The following GLIS3 variants were observed in gnomAD, a reference collection of about 807,000 sequenced individuals.
GLIS3 encodes the protein zinc finger protein GLIS3.
GLIS3 carries 53 observed loss-of-function variants against 78.6 expected under a neutral mutation model. That is an observed-to-expected ratio of 0.67 (90% CI 0.54 to 0.85). The LOEUF (loss-of-function observed/expected upper bound fraction) is 0.85. GLIS3 is among the 40% of genes least tolerant of loss of function. The pLI is 0.00. For synonymous variants in GLIS3, 684 were observed against 509.9 expected (o/e 1.34, Z -4.60); for missense variants, 1,703 against 1,231.1 (o/e 1.38, Z -5.74).
At chr9:4,285,258 T>C (rs535688526) in intron 2 of GLIS3, among the ~76,000 whole-genome samples, 6 of 152,224 alleles carry the variant, frequency 3.9e-5, no homozygotes, top group Non-Finnish European at 7.3e-5. Context: ...ATACGTCATC[T>C]ACAATATAAC....
chr9:4,322,533 T>TC (rs1331413862), intron 2 of GLIS3, among the ~76,000 whole-genome samples: 1 of 152,190 alleles, frequency 6.6e-6, no homozygotes, highest in African/African-American at 2.4e-5. Flanking sequence ...GTAAAAGTCT[T>TC]CCTATTTCTC....
the GLIS3 span, among the ~76,000 whole-genome samples, chr9:4,400,051 T>C: frequency 6.6e-5 from 10 of 152,318 alleles, no homozygotes; most frequent in Non-Finnish European, 1.3e-4. Context: ...ATTCAGATTA[T>C]GAAGAACCTT....
rs370273582 is a variant in GLIS3, at chr9:4,184,557, C to G, written c.389-58616G>C. On this transcript the variant is annotated intron_variant, in intron 2 of 10. Transcript: ENST00000381971. ...CCGGGACTGGGAGACACAGGTAGAA[C>G]TGGTCTGCAATAAGCATGATCAATG... Among the ~76,000 whole-genome samples the G allele has an allele frequency of 4.4e-4, 67 of 152,270 alleles. No homozygotes were observed. Among genetic ancestry groups the G allele is most frequent in the South Asian group, 1.9e-3 (9 of 4,828 alleles).
the GLIS3 span, among the ~76,000 whole-genome samples, chr9:4,377,841 C>G: frequency 6.6e-6 from 1 of 152,086 alleles, no homozygotes; most frequent in African/African-American, 2.4e-5. Context: ...GAGGAAAAAA[C>G]AGTCGTGATC....
the GLIS3 span, among the ~76,000 whole-genome samples, chr9:4,417,481 C>T: frequency 6.6e-6 from 1 of 152,032 alleles, no homozygotes; most frequent in African/African-American, 2.4e-5. Context: ...AGTCACGTAC[C>T]ATTATTTGGA....
At chr9:4,219,025 G>C (rs899433701) in intron 2 of GLIS3, among the ~76,000 whole-genome samples, 4 of 152,196 alleles carry the variant, frequency 2.6e-5, no homozygotes, top group African/African-American at 9.7e-5. Flanking sequence ...GCATTGCCTG[G>C]CATATAAGTA....
the GLIS3 span, among the ~76,000 whole-genome samples, chr9:4,409,767 C>G: frequency 6.6e-6 from 1 of 152,106 alleles, no homozygotes; most frequent in African/African-American, 2.4e-5. Flanking sequence ...GGGAATTTCT[C>G]ATAAAACAAA....
intron 1 of GLIS3, among the ~76,000 whole-genome samples, chr9:4,293,291 A>G (rs1413397109): frequency 6.6e-6 from 1 of 152,220 alleles, no homozygotes; most frequent in Non-Finnish European, 1.5e-5. Context: ...ATATTCAGGC[A>G]TCTTATTGTG....
At chr9:4,358,188 T>C in the GLIS3 span, among the ~76,000 whole-genome samples, 71 of 152,262 alleles carry the variant, frequency 4.7e-4, 1 homozygote, top group East Asian at 0.012. Context: ...TCCAGAAGGC[T>C]GCATAAACTG....
intron 2 of GLIS3, among the ~76,000 whole-genome samples, chr9:4,204,383 G>C (rs1038949150): frequency 2.0e-5 from 3 of 152,154 alleles, no homozygotes; most frequent in African/African-American, 7.2e-5. Flanking sequence ...CTGAGAGTAA[G>C]AGACTCCATG....
chr9:4,107,808 G>C lies in GLIS3; in HGVS notation c.1710+9960C>G, dbSNP rs201901264. Among the ~76,000 whole-genome samples the C allele has an allele frequency of 3.1e-4, 46 of 149,418 alleles. No homozygotes were observed. The East Asian group carries it at 7.4e-3, about 24-fold the overall frequency. On this transcript the variant is annotated intron_variant, in intron 4 of 10. Transcript: ENST00000381971. ...TCTGAGGAGCCAGAGACAACAAACT[G>C]TTCTTTTCTTTCCTATGAATTCACT...
chr9:4,484,363 G>A, the GLIS3 span, among the ~76,000 whole-genome samples: 18 of 142,912 alleles, frequency 1.3e-4, no homozygotes, highest in Non-Finnish European at 2.3e-4. Flanking sequence ...TCAGCCTCCC[G>A]AGTAGCTGGG....
At chr9:4,408,524 C>A in the GLIS3 span, among the ~76,000 whole-genome samples, 7 of 150,950 alleles carry the variant, frequency 4.6e-5, no homozygotes, top group South Asian at 2.1e-4. Flanking sequence ...GTCAGGAGAT[C>A]GAGACCATCC....
rs539500600 is a variant in GLIS3 at position 4,261,836 on chromosome 9, C to T, written c.388+24202G>A. 4.6e-5 allele frequency among the ~76,000 whole-genome samples: 7 copies of T among 152,290 alleles called. No homozygotes were observed. In the East Asian group the frequency reaches 1.4e-3, roughly 29 times the overall value. On this transcript the variant is annotated intron_variant, in intron 2 of 10. Transcript: ENST00000381971. ...TCTCTTATCTTGAATCTCAAAAAAA[C>T]ATACTCTTGCTATGAACAGATATGG...
chr9:4,032,311 A>C (rs1823906256), intron 4 of GLIS3, among the ~76,000 whole-genome samples: 1 of 152,154 alleles, frequency 6.6e-6, no homozygotes, highest in African/African-American at 2.4e-5. Context: ...ATTGGCTCTA[A>C]AATCTGCATT....
chr9:4,415,138 C>T, the GLIS3 span, among the ~76,000 whole-genome samples: 1 of 152,120 alleles, frequency 6.6e-6, no homozygotes, highest in African/African-American at 2.4e-5. Flanking sequence ...TCCAGGAGAC[C>T]TCAGAGACTA....
intron 1 of GLIS3, among the ~76,000 whole-genome samples, chr9:4,288,560 T>A (rs1231962146): frequency 6.6e-6 from 1 of 151,992 alleles, no homozygotes; most frequent in East Asian, 1.9e-4. Flanking sequence ...TAAAAACACA[T>A]AAGGAGGTAC....
chr9:4,095,038 C>T (rs1197514200), intron 4 of GLIS3, among the ~76,000 whole-genome samples: 1 of 152,150 alleles, frequency 6.6e-6, no homozygotes, highest in African/African-American at 2.4e-5. Flanking sequence ...TGGGAACATT[C>T]AATACCCTCC....
At chr9:3,991,748 TGGTG>T (rs1563926820) in intron 4 of GLIS3, among the ~76,000 whole-genome samples, 41 of 137,136 alleles carry the variant, frequency 3.0e-4, no homozygotes, top group Non-Finnish European at 5.3e-4. Context: ...TGGAGTGCAG[TGGTG>T]GGATCTCGGC....
Sources: allele counts gnomAD v4.1 joint callset (sites outside exome capture counted in the v4.1 genomes callset), GRCh38; gene constraint gnomAD v4.1.1; transcripts MANE v1.5; gene names NCBI Gene and HGNC (gene_info 2026-07-23, HGNC 2026-07-21).